The following UBA2 variants were observed in gnomAD, a reference collection of about 807,000 sequenced individuals.
The protein encoded by UBA2 is ubiquitin like modifier activating enzyme 2.
In UBA2, 11 loss-of-function variants were observed where a neutral mutation model predicts 77.2. That is an observed-to-expected ratio of 0.14 (90% confidence interval 0.09 to 0.24). UBA2 has a LOEUF of 0.24. Among genes scored for constraint, UBA2 ranks in the 10% least tolerant of loss-of-function variants. The pLI, the probability that UBA2 is intolerant of heterozygous loss-of-function variation, is 1.00. For synonymous variants in UBA2, 278 were observed against 276.7 expected (o/e 1.00, Z -0.05); for missense variants, 487 against 781.7 (o/e 0.62, Z 4.50).
intron 12 of UBA2, 179 bp from the exon 13 acceptor site, chr19:34,458,590 A>AAAG (rs1199230186): frequency 1.6e-3 from 321 of 200,560 alleles, no homozygotes; most frequent in African/African-American, 9.2e-3. Flanking sequence ...AAAAAAAAAA[A>AAAG]AAGAAGGTTG....
intron 1 of UBA2, chr19:34,428,892 T>C: frequency 9.8e-7 from 1 of 1,018,902 alleles, no homozygotes; most frequent in Non-Finnish European, 1.2e-6. Context: ...AATTCCCGGC[T>C]GTTAGGAGAT....
intron 5 of UBA2, among the ~76,000 whole-genome samples, chr19:34,438,379 G>A (rs1268556001): frequency 6.6e-6 from 1 of 152,202 alleles, no homozygotes; most frequent in Non-Finnish European, 1.5e-5. Context: ...ACACTCAGGT[G>A]TAGTAATTTT....
intron 15 of UBA2, 123 bp from the exon 16 acceptor site, chr19:34,466,755 A>G (rs2075692482): frequency 2.8e-6 from 2 of 715,368 alleles, no homozygotes; most frequent in South Asian, 3.5e-5. Flanking sequence ...AAAATTAAAA[A>G]AAAAATTAGA....
At chr19:34,438,260 A>G (rs1040555768) in intron 5 of UBA2, among the ~76,000 whole-genome samples, 3 of 151,212 alleles carry the variant, frequency 2.0e-5, no homozygotes, top group African/African-American at 4.8e-5. Context: ...ATGGCTGCGA[A>G]TAATATTTAG....
Position 34,470,955 on chromosome 19 carries a change from A to C in UBA2, c.*1734A>C, listed in dbSNP as rs1384220836. ...AAAGGGAGTCCTTCCTCCTTTCTGC[A>C]GTGTTTGTCTGGGTTGTCCCCTAGT... On this transcript the variant is annotated 3_prime_UTR_variant, in exon 17 of 17. Coordinates refer to ENST00000246548, the MANE Select transcript of UBA2 (RefSeq NM_005499.3). 6.6e-6 allele frequency: 1 copy of C among 152,232 alleles called. No individual in the cohort carries two copies. 9.4% of individuals were successfully genotyped at this position (152,232 alleles called of 1,614,324 possible). A position where few individuals can be genotyped will look rare whatever the true frequency, so the allele number is the denominator to read the frequency against.
chr19:34,458,773 T>G lies in UBA2; in HGVS notation c.1250T>G (p.Phe417Cys). Reference protein sequence around the residue: ...SGKIDQCRTIFLNKQPNPRKK... With the variant: ...SGKIDQCRTICLNKQPNPRKK... ...CCTGTTATTTCTCCTCCAAAGATTT[T>G]TTTGAATAAACAACCAAACCCAAGA... Residue 417 changes from phenylalanine to cysteine, a missense_variant, in exon 13 of 17, where the codon TTT (phenylalanine) becomes TGT (cysteine). Coordinates refer to ENST00000246548, the MANE Select transcript of UBA2 (RefSeq NM_005499.3). The G allele has an allele frequency of 6.2e-7, 1 of 1,608,800 alleles. No homozygotes were observed. The highest frequency in any genetic ancestry group is 8.5e-7 in the Non-Finnish European group (1 of 1,178,452).
chr19:34,440,826 T>G (rs957477665), intron 6 of UBA2, among the ~76,000 whole-genome samples: 6 of 150,838 alleles, frequency 4.0e-5, no homozygotes, highest in Non-Finnish European at 7.4e-5. Flanking sequence ...CTTGGGAGGC[T>G]GAGGCAGGAG....
At chr19:34,465,945 G>A (rs563118200) in intron 15 of UBA2, among the ~76,000 whole-genome samples, 1 of 152,238 alleles carries the variant, frequency 6.6e-6, no homozygotes, top group South Asian at 2.1e-4. Context: ...TGATGTTTTT[G>A]GGAGTTCATG....
At chr19:34,449,617 A>G (rs2075470810) in intron 8 of UBA2, among the ~76,000 whole-genome samples, 2 of 152,178 alleles carry the variant, frequency 1.3e-5, no homozygotes, top group East Asian at 1.9e-4. Flanking sequence ...AAAATATTAA[A>G]ATCACTTGAA....
intron 12 of UBA2, among the ~76,000 whole-genome samples, chr19:34,456,082 C>T (rs1364444640): frequency 8.9e-5 from 11 of 123,826 alleles, no homozygotes; most frequent in African/African-American, 1.4e-4. Flanking sequence ...TGGCCCGATG[C>T]GCTCTTTTTT....
At chr19:34,463,729 A>T (rs964016512) in intron 14 of UBA2, among the ~76,000 whole-genome samples, 2 of 152,118 alleles carry the variant, frequency 1.3e-5, no homozygotes, top group Non-Finnish European at 2.9e-5. Context: ...TGGCCTCCCA[A>T]AGTGCTGAGA....
chr19:34,452,390 G>A (rs1376914891), intron 10 of UBA2, among the ~76,000 whole-genome samples: 1 of 152,110 alleles, frequency 6.6e-6, no homozygotes, highest in African/African-American at 2.4e-5. Context: ...TAATTATGTT[G>A]ACTAGAAAAA....
intron 12 of UBA2, among the ~76,000 whole-genome samples, chr19:34,455,631 A>G (rs530993341): frequency 1.3e-5 from 2 of 152,142 alleles, no homozygotes; most frequent in Non-Finnish European, 2.9e-5. Flanking sequence ...TTGCAGTGTC[A>G]TTGATGCACA....
chr19:34,439,010 A>T (rs1223486080), intron 6 of UBA2, among the ~76,000 whole-genome samples: 1 of 152,080 alleles, frequency 6.6e-6, no homozygotes, highest in Non-Finnish European at 1.5e-5. Flanking sequence ...GGAGTTTGAG[A>T]CCAGCGTGGC....
intron 2 of UBA2, 52 bp from the exon 3 acceptor site, chr19:34,431,809 T>G: frequency 6.5e-7 from 1 of 1,531,638 alleles, no homozygotes; most frequent in South Asian, 1.1e-5. Context: ...AGAAGCAGAT[T>G]TCAGATAGGA....
At chr19:34,443,195 G>T (rs1216607004) in intron 6 of UBA2, among the ~76,000 whole-genome samples, 1 of 152,178 alleles carries the variant, frequency 6.6e-6, no homozygotes, top group Non-Finnish European at 1.5e-5. Context: ...TGTTGAACAG[G>T]TAGCTGCAGG....
chr19:34,450,176 A>G (rs990862062), intron 8 of UBA2, 89 bp from the exon 9 acceptor site: 2 of 830,768 alleles, frequency 2.4e-6, no homozygotes, highest in Non-Finnish European at 3.8e-6. Context: ...ATCAGATTTC[A>G]TAGTGTAATA....
intron 8 of UBA2, among the ~76,000 whole-genome samples, chr19:34,448,052 T>G (rs2075450455): frequency 6.6e-6 from 1 of 152,248 alleles, no homozygotes; most frequent in African/African-American, 2.4e-5. Flanking sequence ...TAGGCCTTCT[T>G]AAGGATGTTA....
At chr19:34,455,966 G>A (rs1488776928) in intron 12 of UBA2, among the ~76,000 whole-genome samples, 2 of 151,334 alleles carry the variant, frequency 1.3e-5, no homozygotes, top group Admixed American at 1.3e-4. Context: ...TTAAACTGAT[G>A]GGGTCTTGCT....
Sources: allele counts gnomAD v4.1 joint callset (sites outside exome capture counted in the v4.1 genomes callset), GRCh38; gene constraint gnomAD v4.1.1; transcripts MANE v1.5; gene names NCBI Gene and HGNC (gene_info 2026-07-23, HGNC 2026-07-21).